DLC1: variants seen among roughly 807,000 people sequenced by gnomAD.
DLC1 encodes rho GTPase-activating protein 7.
In DLC1, 54 loss-of-function variants were observed where a neutral mutation model predicts 140.3. The observed-to-expected ratio is 0.38, with a 90% CI of 0.31 to 0.48. DLC1 has a LOEUF of 0.48. Ranked by LOEUF, DLC1 falls within the 20% of genes least tolerant of loss-of-function variation. The pLI is 0.96. For synonymous variants in DLC1, 986 were observed against 728.1 expected, an observed-to-expected ratio of 1.35 and a Z score of -5.70; for missense variants, 2,536 against 1,907.0, an observed-to-expected ratio of 1.33 and a Z score of -6.14.
At chr8:13,426,762 C>T (rs1325931439) in intron 2 of DLC1, among the ~76,000 whole-genome samples, 1 of 151,152 alleles carries the variant, frequency 6.6e-6, no homozygotes, top group Non-Finnish European at 1.5e-5. Context: ...TGTTTATAGT[C>T]CCATTGCCTC....
At chr8:13,459,322 C>G (rs563182472) in intron 2 of DLC1, among the ~76,000 whole-genome samples, 38 of 152,148 alleles carry the variant, frequency 2.5e-4, no homozygotes, top group Non-Finnish European at 5.0e-4. Context: ...TTGACCTTCT[C>G]TGGATCTATC....
At chr8:13,221,670 C>T (rs1676467696) in intron 5 of DLC1, among the ~76,000 whole-genome samples, 1 of 145,668 alleles carries the variant, frequency 6.9e-6, no homozygotes, top group East Asian at 2.0e-4. Flanking sequence ...CATGCCTGGC[C>T]CCAAAGATTT....
intron 1 of DLC1, among the ~76,000 whole-genome samples, chr8:13,575,139 C>G (rs971265650): frequency 6.6e-6 from 1 of 152,096 alleles, no homozygotes; most frequent in African/African-American, 2.4e-5. Context: ...CAAATTACAG[C>G]GAAAATTGCA....
At chr8:13,356,407 T>C (rs529045293) in intron 4 of DLC1, among the ~76,000 whole-genome samples, 2 of 152,334 alleles carry the variant, frequency 1.3e-5, no homozygotes, top group Admixed American at 1.3e-4. Flanking sequence ...TTTGCCTCAA[T>C]TGATACTTTA....
intron 5 of DLC1, among the ~76,000 whole-genome samples, chr8:13,255,241 G>C (rs999034012): frequency 5.3e-5 from 8 of 151,944 alleles, no homozygotes; most frequent in African/African-American, 1.9e-4. Flanking sequence ...AAAGTGCTGG[G>C]ATTACAGGCA....
At chr8:13,313,544 A>G (rs1832760900) in intron 4 of DLC1, among the ~76,000 whole-genome samples, 1 of 152,166 alleles carries the variant, frequency 6.6e-6, no homozygotes, top group South Asian at 2.1e-4. Context: ...AAATTGCTGC[A>G]TGGGAAGGGA....
intron 2 of DLC1, among the ~76,000 whole-genome samples, chr8:13,475,851 G>C (rs1317166434): frequency 6.6e-6 from 1 of 152,172 alleles, no homozygotes; most frequent in African/African-American, 2.4e-5. Context: ...GAAAACTAGA[G>C]TGAAATTATG....
At chr8:13,106,871 T>C (rs1202172051) in intron 7 of DLC1, among the ~76,000 whole-genome samples, 2 of 152,250 alleles carry the variant, frequency 1.3e-5, no homozygotes, top group African/African-American at 2.4e-5. Flanking sequence ...CAATTTGGAA[T>C]AGTTTTCAGA....
intron 1 of DLC1, among the ~76,000 whole-genome samples, chr8:13,524,108 TTTATTATTATTATTATTATTA>T (rs77161996): frequency 5.0e-4 from 69 of 138,716 alleles, no homozygotes; most frequent in Non-Finnish European, 8.0e-4. Context: ...ATCTATTCTA[TTTATTATTATTATTATTATTA>T]TTATTATTAT....
rs1833013715 is a variant in DLC1, at chr8:13,319,761, G to C, written c.1315-14459C>G. The stretch of plus-strand genomic sequence containing the variant: ...AGTTCTTTATAACAGTGCAAGAGCG[G>C]ATTAATACACCAACTTTTTTCAGTA... On this transcript the variant is annotated intron_variant, in intron 4 of 17. Transcript: ENST00000276297. 2.0e-5 allele frequency among the ~76,000 whole-genome samples: 3 copies of C among 149,386 alleles called. No individual in the cohort carries two copies. The South Asian group carries it at 6.4e-4, about 32-fold the overall frequency.
chr8:13,210,377 C>T (rs910594120), intron 5 of DLC1, among the ~76,000 whole-genome samples: 3 of 152,080 alleles, frequency 2.0e-5, no homozygotes, highest in Non-Finnish European at 4.4e-5. Context: ...TCAACAATGT[C>T]ATTGTCAACA....
Position 13,115,615 on chromosome 8 carries a change from C to T in DLC1, c.1391G>A (p.Gly464Asp). The T allele has an allele frequency of 1.2e-6, 2 of 1,614,016 alleles. No individual in the cohort carries two copies. The highest frequency in any genetic ancestry group is 8.5e-7 in the Non-Finnish European group (1 of 1,179,974). ...ATAAAGCTGTGCATACTGGGGGAAACCAGTTGCCCGTAGCCAATCACAAGC... is the reference window on the plus strand; with the variant it reads ...ATAAAGCTGTGCATACTGGGGGAAATCAGTTGCCCGTAGCCAATCACAAGC... ...KEACDWLRAT[G>D]FPQYAQLYED... is the part of the protein sequence containing the mutation. Residue 464 changes from glycine (G) to aspartate (D), a missense_variant, in exon 6 of 18, where the codon GGT becomes GAT. Physicochemically the swap from Gly to Asp is moderately conservative, Grantham distance 94 (BLOSUM62 -1). Coordinates refer to ENST00000276297, the MANE Select transcript of DLC1 (RefSeq NM_182643.3).
intron 4 of DLC1, among the ~76,000 whole-genome samples, chr8:13,312,379 AAAAAAAAAAT>A (rs1427469333): frequency 1.7e-5 from 2 of 118,478 alleles, no homozygotes; most frequent in African/African-American, 6.6e-5. Context: ...AAAAAAAAAA[AAAAAAAAAAT>A]AATTTCTTTA....
At chr8:13,175,061 T>A (rs570972763) in intron 5 of DLC1, among the ~76,000 whole-genome samples, 213 of 152,274 alleles carry the variant, frequency 1.4e-3, no homozygotes, top group Non-Finnish European at 1.9e-3. Context: ...AAGGTAGGGG[T>A]CCATTCTTCT....
At chr8:13,115,983 G>C (rs1585670707) in intron 5 of DLC1, among the ~76,000 whole-genome samples, 1 of 152,180 alleles carries the variant, frequency 6.6e-6, no homozygotes, top group African/African-American at 2.4e-5. Flanking sequence ...AAGTTGAAGA[G>C]AGATTTAATA....
At chr8:13,088,728 G>C (rs757956173) in intron 15 of DLC1, 24 bp from the exon 16 acceptor site, 2 of 1,611,864 alleles carry the variant, frequency 1.2e-6, no homozygotes, top group South Asian at 1.1e-5. Context: ...GTATTTTTCA[G>C]TGCCAAGGCA....
chr8:13,146,921 G>C (rs541848490), intron 5 of DLC1, among the ~76,000 whole-genome samples: 3 of 152,226 alleles, frequency 2.0e-5, no homozygotes, highest in African/African-American at 7.2e-5. Flanking sequence ...AAGAATGAAG[G>C]AATGCTGACT....
intron 1 of DLC1, among the ~76,000 whole-genome samples, chr8:13,521,423 T>C (rs552691379): frequency 6.6e-6 from 1 of 151,382 alleles, no homozygotes; most frequent in African/African-American, 2.4e-5. Context: ...AAAAAAAAAG[T>C]TCCCTTGCCA....
intron 2 of DLC1, among the ~76,000 whole-genome samples, chr8:13,417,442 G>A (rs1422402468): frequency 7.0e-6 from 1 of 142,466 alleles, no homozygotes; most frequent in Non-Finnish European, 1.5e-5. Context: ...TCCCATCTAT[G>A]AGTGAGAATA....
Sources: gnomAD v4.1 joint callset for allele counts (sites outside exome capture counted in the v4.1 genomes callset) on GRCh38, gnomAD v4.1.1 for gene constraint, MANE v1.5 for transcripts, NCBI Gene and HGNC (gene_info 2026-07-23, HGNC 2026-07-21) for gene names.